The following GPC5 variants were observed in gnomAD, a reference collection of about 807,000 sequenced individuals.
GPC5 encodes glypican 5.
In GPC5, 47 loss-of-function variants were observed where a neutral mutation model predicts 53.9. The observed-to-expected ratio is 0.87, with a 90% CI of 0.69 to 1.11. GPC5 has a LOEUF of 1.11. Among genes scored for constraint, GPC5 ranks in the 50% most tolerant of loss-of-function variants. The probability of loss-of-function intolerance (pLI) is 0.00; values close to 1 mark genes in which losing one functional copy is unlikely to be tolerated. For synonymous variants in GPC5, 286 were observed against 263.3 expected (o/e 1.09, Z -0.84); for missense variants, 748 against 713.1 (o/e 1.05, Z -0.56).
chr13:91,970,817 C>A (rs2040234689), intron 6 of GPC5, among the ~76,000 whole-genome samples: 2 of 152,084 alleles, frequency 1.3e-5, no homozygotes, highest in Non-Finnish European at 2.9e-5. Context: ...GGATGAAGCC[C>A]ACTTGATCAT....
intron 5 of GPC5, among the ~76,000 whole-genome samples, chr13:91,847,430 A>G (rs1174434196): frequency 1.3e-5 from 2 of 152,070 alleles, no homozygotes; most frequent in Non-Finnish European, 2.9e-5. Context: ...AGTACATCAT[A>G]GAGTTCAACT....
chr13:92,193,697 G>A (rs772517105), intron 7 of GPC5, among the ~76,000 whole-genome samples: 1 of 151,916 alleles, frequency 6.6e-6, no homozygotes, highest in Non-Finnish European at 1.5e-5. Context: ...ACACTCTTTG[G>A]GCAGGATCTA....
chr13:92,177,891 C>T (rs1186040879), intron 7 of GPC5, among the ~76,000 whole-genome samples: 1 of 152,118 alleles, frequency 6.6e-6, no homozygotes, highest in Non-Finnish European at 1.5e-5. Context: ...TCAGTTCAGG[C>T]ATTATATATA....
At chr13:92,035,768 C>A (rs9523487) in intron 6 of GPC5, among the ~76,000 whole-genome samples, 139,562 of 144,226 alleles carry the variant, frequency 0.97, 67,510 homozygotes, top group South Asian at 1. Flanking sequence ...AAAAAAAAAA[C>A]AAAAAAAACA....
intron 1 of GPC5, among the ~76,000 whole-genome samples, chr13:91,414,819 C>T (rs1038549492): frequency 6.6e-6 from 1 of 152,096 alleles, no homozygotes; most frequent in African/African-American, 2.4e-5. Context: ...TAAAGTATGG[C>T]TATTTTCCAA....
chr13:92,390,820 C>A (rs1026223084), intron 7 of GPC5, among the ~76,000 whole-genome samples: 2 of 152,044 alleles, frequency 1.3e-5, no homozygotes, highest in African/African-American at 4.8e-5. Flanking sequence ...AGTAGTATAT[C>A]AGTAGCATAT....
intron 7 of GPC5, among the ~76,000 whole-genome samples, chr13:92,675,305 G>T (rs537736701): frequency 3.2e-4 from 49 of 152,216 alleles, no homozygotes; most frequent in African/African-American, 1.2e-3. Context: ...TAATTCATTA[G>T]AAAGCAATTT....
chr13:91,703,466 G>T (rs2036035723), intron 3 of GPC5, among the ~76,000 whole-genome samples: 1 of 152,146 alleles, frequency 6.6e-6, no homozygotes, highest in African/African-American at 2.4e-5. Context: ...TGTTAAAGTG[G>T]TATATCATGT....
intron 7 of GPC5, among the ~76,000 whole-genome samples, chr13:92,352,199 C>T (rs2139269002): frequency 6.6e-6 from 1 of 151,818 alleles, no homozygotes; most frequent in South Asian, 2.1e-4. Context: ...GGCTATTCCA[C>T]AAATGAACCT....
At chr13:92,514,825 G>T (rs1181575314) in intron 7 of GPC5, among the ~76,000 whole-genome samples, 1 of 152,116 alleles carries the variant, frequency 6.6e-6, no homozygotes, top group African/African-American at 2.4e-5. Flanking sequence ...CTCCAATAAA[G>T]GATCCAAGAG....
At chr13:92,687,945 T>A (rs1382583746) in intron 7 of GPC5, among the ~76,000 whole-genome samples, 1 of 34,594 alleles carries the variant, frequency 2.9e-5, no homozygotes, top group Non-Finnish European at 4.3e-5. Context: ...AGCTTTTTGA[T>A]GTGCTGCTGG....
intron 7 of GPC5, among the ~76,000 whole-genome samples, chr13:92,470,129 C>G (rs1041430041): frequency 6.6e-6 from 1 of 152,092 alleles, no homozygotes; most frequent in Admixed American, 6.6e-5. Context: ...TCGTGTTTTA[C>G]TCAACCTTAG....
chr13:92,605,085 G>C (rs1349506408), intron 7 of GPC5, among the ~76,000 whole-genome samples: 1 of 152,160 alleles, frequency 6.6e-6, no homozygotes, highest in Non-Finnish European at 1.5e-5. Flanking sequence ...ATCTTGATTA[G>C]AGAATTGTTA....
At chr13:92,047,806 T>TTA (rs1555306888) in intron 6 of GPC5, among the ~76,000 whole-genome samples, 1 of 98,808 alleles carries the variant, frequency 1.0e-5, no homozygotes, top group Non-Finnish European at 1.9e-5. Flanking sequence ...CTGTCTCTAC[T>TTA]AAAAAAAAAA....
intron 5 of GPC5, among the ~76,000 whole-genome samples, chr13:91,901,469 C>T (rs1009746963): frequency 6.6e-6 from 1 of 152,010 alleles, no homozygotes; most frequent in African/African-American, 2.4e-5. Context: ...TAACTCTTTT[C>T]CATTCTGAGA....
intron 3 of GPC5, among the ~76,000 whole-genome samples, chr13:91,719,061 C>CATTT (rs950574906): frequency 1.2e-4 from 18 of 151,812 alleles, no homozygotes; most frequent in African/African-American, 3.9e-4. Context: ...AAAAAACCTA[C>CATTT]ATTTATTTAT....
intron 7 of GPC5, among the ~76,000 whole-genome samples, chr13:92,253,315 C>A (rs911297424): frequency 2.6e-5 from 4 of 151,984 alleles, no homozygotes; most frequent in African/African-American, 7.2e-5. Flanking sequence ...AGGGTTTGGA[C>A]CTCACACAAA....
intron 2 of GPC5, among the ~76,000 whole-genome samples, chr13:91,625,427 T>G (rs1248890183): frequency 6.6e-6 from 1 of 152,088 alleles, no homozygotes; most frequent in Non-Finnish European, 1.5e-5. Flanking sequence ...GTATAACTTT[T>G]GTCTTTCTTT....
intron 7 of GPC5, among the ~76,000 whole-genome samples, chr13:92,205,121 G>T (rs547114729): frequency 5.9e-5 from 9 of 152,012 alleles, no homozygotes; most frequent in African/African-American, 2.2e-4. Context: ...CTCGTGATCC[G>T]CCCACCTCGG....
Sources: gnomAD v4.1 joint callset for allele counts (sites outside exome capture counted in the v4.1 genomes callset) on GRCh38, gnomAD v4.1.1 for gene constraint, MANE v1.5 for transcripts, NCBI Gene and HGNC (gene_info 2026-07-23, HGNC 2026-07-21) for gene names.